SLCO1B1: variants seen among roughly 807,000 people sequenced by gnomAD.
The protein encoded by SLCO1B1 is OATP-2.
A neutral mutation model predicts 70.1 loss-of-function variants in SLCO1B1; 81 were observed. The ratio of observed to expected loss-of-function variants is 1.16; its 90% CI spans 0.97 to 1.39. SLCO1B1 has a LOEUF of 1.39. Ranked by LOEUF, SLCO1B1 falls within the 40% of genes most tolerant of loss-of-function variation. The probability of loss-of-function intolerance (pLI) is 0.00; values close to 1 mark genes in which losing one functional copy is unlikely to be tolerated. For missense variants in SLCO1B1, 895 were observed against 799.6 expected (o/e 1.12, Z -1.44); for synonymous variants, 283 against 271.5 (o/e 1.04, Z -0.42).
intron 1 of SLCO1B1, among the ~76,000 whole-genome samples, chr12:21,133,737 G>A (rs924152640): frequency 2.0e-5 from 3 of 152,148 alleles, no homozygotes; most frequent in African/African-American, 7.2e-5. Context: ...TTTGGGCTGA[G>A]ATGATGGGGT....
intron 14 of SLCO1B1, 89 bp downstream of exon 14, chr12:21,224,928 A>G (rs1941468118): frequency 4.4e-6 from 3 of 688,448 alleles, no homozygotes; most frequent in Non-Finnish European, 4.9e-6. Flanking sequence ...TAATATTAAT[A>G]ATGATAGCCA....
intron 12 of SLCO1B1, 99 bp from the exon 13 acceptor site, chr12:21,222,201 T>C (rs1367584236): frequency 2.0e-5 from 9 of 454,852 alleles, no homozygotes; most frequent in Non-Finnish European, 3.6e-5. Context: ...GTGAGCTTAA[T>C]TCTATCATGG....
At chr12:21,135,190 T>C (rs1308805059) in intron 1 of SLCO1B1, among the ~76,000 whole-genome samples, 1 of 152,164 alleles carries the variant, frequency 6.6e-6, no homozygotes, top group African/African-American at 2.4e-5. Flanking sequence ...TGCGCTGTGG[T>C]CTGAGAAACA....
chr12:21,179,604 G>C (rs1381442744), intron 7 of SLCO1B1, among the ~76,000 whole-genome samples: 3 of 152,098 alleles, frequency 2.0e-5, no homozygotes, highest in African/African-American at 4.8e-5. Context: ...TTATCTCATA[G>C]ATGAAAGAGA....
chr12:21,162,230 A>G (rs1191427433), intron 2 of SLCO1B1, among the ~76,000 whole-genome samples: 1 of 152,016 alleles, frequency 6.6e-6, no homozygotes, highest in African/African-American at 2.4e-5. Flanking sequence ...ATAATATTAA[A>G]GTAAGCAATA....
At chr12:21,185,507 G>C (rs551049457) in intron 7 of SLCO1B1, among the ~76,000 whole-genome samples, 111 of 152,048 alleles carry the variant, frequency 7.3e-4, no homozygotes, top group Non-Finnish European at 8.1e-4. Flanking sequence ...AATAATTCTT[G>C]GTTTAAGAAT....
At chr12:21,136,889 T>C (rs902541748) in intron 1 of SLCO1B1, among the ~76,000 whole-genome samples, 2 of 152,228 alleles carry the variant, frequency 1.3e-5, no homozygotes, top group African/African-American at 4.8e-5. Context: ...TGCATTCCTT[T>C]GGAGGAGGAG....
intron 7 of SLCO1B1, among the ~76,000 whole-genome samples, chr12:21,187,273 T>C (rs73079474): frequency 0.016 from 2,463 of 152,226 alleles, 43 homozygotes; most frequent in Middle Eastern, 0.12. Context: ...AGGCAAAAGA[T>C]AAAAATCAAC....
At chr12:21,190,254 G>A (rs1194670478) in intron 7 of SLCO1B1, among the ~76,000 whole-genome samples, 3 of 152,216 alleles carry the variant, frequency 2.0e-5, no homozygotes, top group Non-Finnish European at 2.9e-5. Flanking sequence ...CAGTAAGGGG[G>A]AACAATAATG....
In SLCO1B1 at chr12:21,205,856, A is replaced by G. The variant is rs1941209699; in HGVS notation, c.1332-12A>G. On this transcript the variant is annotated splice_polypyrimidine_tract_variant and intron_variant, in intron 10 of 14. Coordinates refer to ENST00000256958, the MANE Select transcript of SLCO1B1 (RefSeq NM_006446.5). ...TCTCTCTTTTTGATATATGTCTATC[A>G]TATATTTCCAGAAATAATCCAGTGA... The G allele has an allele frequency of 1.9e-6, 3 of 1,582,016 alleles. No individual in the cohort carries two copies. Among genetic ancestry groups the G allele is most frequent in the East Asian group, 4.5e-5 (2 of 44,582 alleles).
chr12:21,208,504 C>G (rs1232384826), intron 11 of SLCO1B1, among the ~76,000 whole-genome samples: 1 of 151,980 alleles, frequency 6.6e-6, no homozygotes, highest in Non-Finnish European at 1.5e-5. Flanking sequence ...GTTTTTGAAC[C>G]AGTACTATGC....
intron 1 of SLCO1B1, among the ~76,000 whole-genome samples, chr12:21,132,270 A>G (rs1017271888): frequency 2.6e-5 from 4 of 152,150 alleles, no homozygotes; most frequent in African/African-American, 9.7e-5. Context: ...AGTCTTTGCT[A>G]CTGTGAATAG....
intron 1 of SLCO1B1, among the ~76,000 whole-genome samples, chr12:21,133,724 A>G (rs1157668363): frequency 6.6e-6 from 1 of 152,054 alleles, no homozygotes; most frequent in Non-Finnish European, 1.5e-5. Context: ...AACTTGAGGA[A>G]ATTTTGGGCT....
chr12:21,138,184 T>C (rs1047880363), intron 1 of SLCO1B1, among the ~76,000 whole-genome samples: 1 of 152,134 alleles, frequency 6.6e-6, no homozygotes, highest in Non-Finnish European at 1.5e-5. Context: ...CATAAGTACA[T>C]GGTAGAAATT....
In SLCO1B1 at chr12:21,187,975, A is replaced by G. The variant is rs368384408; in HGVS notation, c.727+8955A>G. On this transcript the variant is annotated intron_variant, in intron 7 of 14. Coordinates refer to ENST00000256958, the MANE Select transcript of SLCO1B1 (RefSeq NM_006446.5). Reference sequence around the variant, plus strand: ...ACATAGAAGCAGCAGTGCCAGAAACAAATTGTTATTAGGCAATCTAGCAGA... The same window carrying G: ...ACATAGAAGCAGCAGTGCCAGAAACGAATTGTTATTAGGCAATCTAGCAGA... 4.6e-5 allele frequency among the ~76,000 whole-genome samples: 7 copies of G among 152,170 alleles called. No individual in the cohort carries two copies. The East Asian group carries it at 9.6e-4, about 21-fold the overall frequency.
chr12:21,143,432 A>G (rs1465540087), intron 2 of SLCO1B1, among the ~76,000 whole-genome samples: 1 of 152,138 alleles, frequency 6.6e-6, no homozygotes, highest in Non-Finnish European at 1.5e-5. Context: ...ATTCAGGAGC[A>G]TAAAAAAAGA....
At chr12:21,166,326 GA>G (rs2121087327) in intron 2 of SLCO1B1, among the ~76,000 whole-genome samples, 1 of 152,218 alleles carries the variant, frequency 6.6e-6, no homozygotes, top group Admixed American at 6.5e-5. Context: ...TCATGGGCAA[GA>G]GTTCCTTAAT....
chr12:21,153,693 T>C (rs760977348), intron 2 of SLCO1B1, among the ~76,000 whole-genome samples: 3 of 152,100 alleles, frequency 2.0e-5, no homozygotes, highest in Non-Finnish European at 4.4e-5. Context: ...ATGTTGAATT[T>C]TTTTCTTACA....
At chr12:21,209,979 G>A (rs1378268232) in intron 11 of SLCO1B1, among the ~76,000 whole-genome samples, 1 of 151,750 alleles carries the variant, frequency 6.6e-6, no homozygotes, top group Non-Finnish European at 1.5e-5. Context: ...AGATGAGTAG[G>A]TTGTGAAAAT....
Sources: allele counts gnomAD v4.1 joint callset (sites outside exome capture counted in the v4.1 genomes callset), GRCh38; gene constraint gnomAD v4.1.1; transcripts MANE v1.5; gene names NCBI Gene and HGNC (gene_info 2026-07-23, HGNC 2026-07-21).